Variants in NLGN1 observed in about 807,000 individuals in gnomAD.
The protein encoded by NLGN1 is neuroligin-1.
A neutral mutation model predicts 65.5 loss-of-function variants in NLGN1; 12 were observed. That is an observed-to-expected ratio of 0.18 (90% confidence interval 0.12 to 0.30). The LOEUF is 0.30. Among genes scored for constraint, NLGN1 ranks in the 10% least tolerant of loss-of-function variants. The pLI, the probability that NLGN1 is intolerant of heterozygous loss-of-function variation, is 1.00. For missense variants in NLGN1, 750 were observed against 1,007.1 expected, an observed-to-expected ratio of 0.74 and a Z score of 3.46; for synonymous variants, 350 against 359.5, an observed-to-expected ratio of 0.97 and a Z score of 0.30.
chr3:174,198,737 A>G (rs1057475618), intron 4 of NLGN1, among the ~76,000 whole-genome samples: 5 of 151,858 alleles, frequency 3.3e-5, no homozygotes, highest in African/African-American at 1.2e-4. Context: ...AGTGACATTC[A>G]CTGAACCGTA....
chr3:173,592,507 T>C (rs1748700504), intron 2 of NLGN1, among the ~76,000 whole-genome samples: 1 of 152,182 alleles, frequency 6.6e-6, no homozygotes, highest in African/African-American at 2.4e-5. Flanking sequence ...TGCACACGCC[T>C]ACATGATGAG....
intron 2 of NLGN1, among the ~76,000 whole-genome samples, chr3:173,441,834 A>G (rs1719259902): frequency 6.6e-6 from 1 of 152,200 alleles, no homozygotes; most frequent in African/African-American, 2.4e-5. Context: ...TGAAAAATAC[A>G]TTCTCTGCAA....
At chr3:174,176,392 CA>C (rs951051397) in intron 4 of NLGN1, among the ~76,000 whole-genome samples, 35 of 149,394 alleles carry the variant, frequency 2.3e-4, no homozygotes, top group African/African-American at 5.9e-4. Context: ...TTTATAGATG[CA>C]AAAAAAAATC....
chr3:173,443,918 C>A (rs1299335939), intron 2 of NLGN1, among the ~76,000 whole-genome samples: 1 of 152,190 alleles, frequency 6.6e-6, no homozygotes, highest in African/African-American at 2.4e-5. Context: ...GCTCACTTAA[C>A]TGATCAGTGA....
chr3:173,414,726 A>G (rs1713329545), intron 1 of NLGN1, among the ~76,000 whole-genome samples: 1 of 152,162 alleles, frequency 6.6e-6, no homozygotes, highest in Non-Finnish European at 1.5e-5. Context: ...CTTTGGGGAG[A>G]GAAAGGGAGG....
chr3:173,825,562 T>TA (rs1450049935), intron 4 of NLGN1, among the ~76,000 whole-genome samples: 15 of 152,190 alleles, frequency 9.9e-5, no homozygotes, highest in Admixed American at 7.2e-4. Flanking sequence ...AATGGATGCT[T>TA]ACATTGTGTT....
At chr3:173,764,474 A>T (rs760734420) in intron 3 of NLGN1, among the ~76,000 whole-genome samples, 24 of 152,298 alleles carry the variant, frequency 1.6e-4, no homozygotes, top group Non-Finnish European at 2.5e-4. Flanking sequence ...GCCTTCACTT[A>T]TCTGAAGGTC....
chr3:173,892,973 A>C (rs551353400), intron 4 of NLGN1, among the ~76,000 whole-genome samples: 1 of 152,164 alleles, frequency 6.6e-6, no homozygotes, highest in African/African-American at 2.4e-5. Flanking sequence ...TATTATAACT[A>C]TGCATCTTCT....
intron 1 of NLGN1, among the ~76,000 whole-genome samples, chr3:173,422,986 C>A (rs753431781): frequency 2.0e-5 from 3 of 152,098 alleles, no homozygotes; most frequent in Non-Finnish European, 1.5e-5. Context: ...ATTGTCAGTC[C>A]TTTAACTGAC....
chr3:173,642,013 G>GCTCTCT (rs138192749), intron 3 of NLGN1, among the ~76,000 whole-genome samples: 3 of 146,324 alleles, frequency 2.1e-5, no homozygotes, highest in East Asian at 2.0e-4. Flanking sequence ...TCAGTGGACT[G>GCTCTCT]CTCTCTCTCT....
chr3:173,858,559 T>C (rs761660416), intron 4 of NLGN1, among the ~76,000 whole-genome samples: 11 of 152,104 alleles, frequency 7.2e-5, no homozygotes, highest in Non-Finnish European at 1.3e-4. Flanking sequence ...TTCCTCACAG[T>C]TGTTGATTAA....
At chr3:173,772,918 G>T (rs962776506) in intron 3 of NLGN1, among the ~76,000 whole-genome samples, 7 of 152,124 alleles carry the variant, frequency 4.6e-5, no homozygotes, top group East Asian at 1.9e-4. Flanking sequence ...GCATCCAAAG[G>T]CATCACCCCA....
intron 3 of NLGN1, among the ~76,000 whole-genome samples, chr3:173,663,616 A>G (rs59028365): frequency 2.0e-5 from 3 of 152,012 alleles, no homozygotes; most frequent in African/African-American, 7.2e-5. Context: ...TAAAGATATT[A>G]AAACCACCCA....
At chr3:173,541,218 C>A (rs1231339475) in intron 2 of NLGN1, among the ~76,000 whole-genome samples, 1 of 152,066 alleles carries the variant, frequency 6.6e-6, no homozygotes, top group African/African-American at 2.4e-5. Context: ...TAAATTGACA[C>A]TAAAAGTATT....
chr3:173,522,623 C>T (rs569341847), intron 2 of NLGN1, among the ~76,000 whole-genome samples: 76 of 152,024 alleles, frequency 5.0e-4, no homozygotes, highest in South Asian at 4.6e-3. Context: ...TTAGTAGAGA[C>T]GGGGTTTCAC....
At chr3:173,442,445 C>A (rs1719381709) in intron 2 of NLGN1, among the ~76,000 whole-genome samples, 1 of 152,002 alleles carries the variant, frequency 6.6e-6, no homozygotes, top group African/African-American at 2.4e-5. Flanking sequence ...TGAATCCAGC[C>A]AAAAATAATG....
At chr3:173,917,759 T>A (rs1348546295) in intron 4 of NLGN1, among the ~76,000 whole-genome samples, 2 of 152,046 alleles carry the variant, frequency 1.3e-5, no homozygotes, top group African/African-American at 4.8e-5. Context: ...TCCACCTGAT[T>A]GAGAATTCTC....
chr3:173,832,127 A>T (rs1167142728), intron 4 of NLGN1, among the ~76,000 whole-genome samples: 1 of 7,610 alleles, frequency 1.3e-4, no homozygotes, highest in South Asian at 1.4e-3. Flanking sequence ...CAGCTAAATT[A>T]AAAAAAAAAA....
intron 4 of NLGN1, among the ~76,000 whole-genome samples, chr3:174,220,858 G>A (rs1738515604): frequency 1.3e-5 from 2 of 152,130 alleles, no homozygotes; most frequent in Admixed American, 6.5e-5. Flanking sequence ...AAAGCAACAC[G>A]TCTGCAATCT....
Sources: gnomAD v4.1 joint callset for allele counts (sites outside exome capture counted in the v4.1 genomes callset) on GRCh38, gnomAD v4.1.1 for gene constraint, MANE v1.5 for transcripts, NCBI Gene and HGNC (gene_info 2026-07-23, HGNC 2026-07-21) for gene names.